The following RFC3 variants were observed in gnomAD, a reference collection of about 807,000 sequenced individuals.
The protein encoded by RFC3 is A1 38 kDa subunit.
RFC3 carries 41 observed loss-of-function variants against 45.1 expected under a neutral mutation model. The ratio of observed to expected loss-of-function variants is 0.91; its 90% CI spans 0.71 to 1.18. RFC3 has a LOEUF of 1.18. Ranked by LOEUF, RFC3 falls within the 50% of genes most tolerant of loss-of-function variation. The probability of loss-of-function intolerance (pLI) is 0.00; values close to 1 mark genes in which losing one functional copy is unlikely to be tolerated. For synonymous variants in RFC3, 149 were observed against 144.0 expected, an observed-to-expected ratio of 1.03 and a Z score of -0.25; for missense variants, 423 against 428.1, an observed-to-expected ratio of 0.99 and a Z score of 0.10.
chr13:33,897,655 A>T (rs1466361113), intron 8 of RFC3, among the ~76,000 whole-genome samples: 1 of 152,120 alleles, frequency 6.6e-6, no homozygotes, highest in Admixed American at 6.6e-5. Flanking sequence ...ACCCAACTGT[A>T]TGCTGCCTTC....
At chr13:33,854,131 T>C (rs2082294592) in intron 8 of RFC3, among the ~76,000 whole-genome samples, 1 of 152,226 alleles carries the variant, frequency 6.6e-6, no homozygotes, top group Non-Finnish European at 1.5e-5. Flanking sequence ...AACTGTCTGA[T>C]GGAAGAATCT....
chr13:33,941,297 A>T (rs2137803352), intron 8 of RFC3, among the ~76,000 whole-genome samples: 1 of 151,538 alleles, frequency 6.6e-6, no homozygotes, highest in African/African-American at 2.4e-5. Flanking sequence ...GTGTCTGCGC[A>T]CCTAATCCTT....
chr13:33,936,036 G>A lies in RFC3; in HGVS notation c.880-30051G>A, dbSNP rs923696880. Reference sequence around the variant, plus strand: ...GGTCTCATCTTCCCCTTATGAGAGCGATGGTATGACAGGTGCAGTGTGTGC... The same window carrying A: ...GGTCTCATCTTCCCCTTATGAGAGCAATGGTATGACAGGTGCAGTGTGTGC... On this transcript the variant is annotated intron_variant, in intron 8 of 8. Transcript: ENST00000434425. Among the ~76,000 whole-genome samples, 7 of 152,278 alleles carry A rather than the reference G, an allele frequency of 4.6e-5. No homozygotes were observed. The East Asian group carries it at 5.8e-4, about 13-fold the overall frequency.
At chr13:33,874,265 G>A (rs571447298) in intron 8 of RFC3, among the ~76,000 whole-genome samples, 1 of 152,210 alleles carries the variant, frequency 6.6e-6, no homozygotes, top group South Asian at 2.1e-4. Context: ...AGCGTGATGG[G>A]GACACTGGCC....
At chr13:33,903,485 T>A (rs2082653976) in intron 8 of RFC3, among the ~76,000 whole-genome samples, 1 of 152,138 alleles carries the variant, frequency 6.6e-6, no homozygotes, top group Non-Finnish European at 1.5e-5. Flanking sequence ...TGTAAGTTTA[T>A]GTAACTTATT....
chr13:33,968,890 A>G (rs2083099612), downstream of RFC3, among the ~76,000 whole-genome samples: 1 of 152,190 alleles, frequency 6.6e-6, no homozygotes, highest in South Asian at 2.1e-4. Context: ...AATTGACCGC[A>G]TGGCAGCTTG....
chr13:33,974,181 T>A, the RFC3 span, among the ~76,000 whole-genome samples: 1 of 152,218 alleles, frequency 6.6e-6, no homozygotes, highest in African/African-American at 2.4e-5. Context: ...AAAACAAGCT[T>A]TAAATCTTTC....
intron 8 of RFC3, among the ~76,000 whole-genome samples, chr13:33,947,556 T>C (rs1278650919): frequency 7.9e-5 from 12 of 152,006 alleles, no homozygotes; most frequent in Admixed American, 7.9e-4. Flanking sequence ...CAGGCAGAAA[T>C]TGGAACAGTT....
intron 8 of RFC3, among the ~76,000 whole-genome samples, chr13:33,895,733 T>C (rs905463857): frequency 6.6e-6 from 1 of 152,168 alleles, no homozygotes; most frequent in Non-Finnish European, 1.5e-5. Flanking sequence ...CAATTCATAA[T>C]TGCAAAGACA....
chr13:33,968,631 T>G (rs556034244), downstream of RFC3, among the ~76,000 whole-genome samples: 74 of 152,216 alleles, frequency 4.9e-4, no homozygotes, highest in Non-Finnish European at 1.0e-3. Context: ...GAATAATTAG[T>G]ATCCAACATT....
At position 33,829,810 on chromosome 13, in the gene RFC3, GTTTGT is replaced by G. The variant is rs777824953; in HGVS notation, c.392-18_392-14del. ...AAAGTTTGAGTGAACTCAAGTTAAA[GTTTGT>G]TTTGTTTCTCTTTGACTCAGTGGTA... On this transcript the variant is annotated intron_variant, in intron 4 of 8. Transcript: ENST00000380071. 13 of 1,598,762 alleles carry G rather than the reference GTTTGT, an allele frequency of 8.1e-6. No homozygotes were observed. In the South Asian group the frequency reaches 9.9e-5, roughly 12 times the overall value.
downstream of RFC3, among the ~76,000 whole-genome samples, chr13:33,971,161 GA>G (rs947663025): frequency 5.9e-5 from 9 of 152,018 alleles, no homozygotes; most frequent in Admixed American, 2.0e-4. Context: ...GAAAACAGAA[GA>G]AAAAAACCTT....
At chr13:33,942,337 A>G (rs1221177094) in intron 8 of RFC3, among the ~76,000 whole-genome samples, 2 of 152,076 alleles carry the variant, frequency 1.3e-5, no homozygotes, top group African/African-American at 4.8e-5. Flanking sequence ...TTTAATTCTT[A>G]CGAGTACATA....
At chr13:33,857,579 G>T (rs1313435161) in intron 8 of RFC3, among the ~76,000 whole-genome samples, 1 of 115,656 alleles carries the variant, frequency 8.6e-6, no homozygotes. Context: ...GGGAGTGTTA[G>T]TGGGGCTAAC....
chr13:33,877,702 A>G (rs1229280608), intron 8 of RFC3, among the ~76,000 whole-genome samples: 1 of 148,998 alleles, frequency 6.7e-6, no homozygotes, highest in Admixed American at 6.7e-5. Context: ...ATAGATTATA[A>G]TAAAATAAGT....
At chr13:33,891,521 T>A (rs992055005) in intron 8 of RFC3, among the ~76,000 whole-genome samples, 1 of 152,188 alleles carries the variant, frequency 6.6e-6, no homozygotes, top group African/African-American at 2.4e-5. Context: ...TAGTGGATAA[T>A]GACTAATGTG....
chr13:33,941,980 T>A (rs550070206), intron 8 of RFC3, among the ~76,000 whole-genome samples: 2 of 152,172 alleles, frequency 1.3e-5, no homozygotes, highest in Non-Finnish European at 2.9e-5. Flanking sequence ...TCCTGTTCAG[T>A]AATATCATTT....
At chr13:33,855,996 G>C (rs1038226094) in intron 8 of RFC3, among the ~76,000 whole-genome samples, 8 of 152,116 alleles carry the variant, frequency 5.3e-5, no homozygotes, top group African/African-American at 1.9e-4. Context: ...GTCAGTTTTT[G>C]CCTTTGTTGC....
At chr13:33,899,204 C>CAAAAAAAAAAAAAAAAAAAAAAAA (rs59221382) in intron 8 of RFC3, among the ~76,000 whole-genome samples, 2 of 51,968 alleles carry the variant, frequency 3.8e-5, no homozygotes, top group Admixed American at 3.0e-4. Context: ...CACAATAAGA[C>CAAAAAAAAAAAAAAAAAAAAAAAA]AAAAAAAAAA....
Sources: allele counts gnomAD v4.1 joint callset (sites outside exome capture counted in the v4.1 genomes callset), GRCh38; gene constraint gnomAD v4.1.1; transcripts MANE v1.5; gene names NCBI Gene and HGNC (gene_info 2026-07-23, HGNC 2026-07-21).